Variants in KSR2 observed in about 807,000 individuals in gnomAD.
KSR2 encodes the protein kinase suppressor of ras 2.
Under a neutral mutation model 107.8 loss-of-function variants are expected in KSR2, and 25 were observed. The ratio of observed to expected loss-of-function variants is 0.23; its 90% confidence interval spans 0.17 to 0.32. The LOEUF is 0.32. Ranked by LOEUF, KSR2 falls within the 10% of genes least tolerant of loss-of-function variation. The pLI, the probability that KSR2 is intolerant of heterozygous loss-of-function variation, is 1.00. For missense variants in KSR2, 887 were observed against 1,268.9 expected, an observed-to-expected ratio of 0.70 and a Z score of 4.57; for synonymous variants, 480 against 507.0, an observed-to-expected ratio of 0.95 and a Z score of 0.71.
At chr12:117,885,512 G>T (rs568541178) in intron 1 of KSR2, among the ~76,000 whole-genome samples, 1 of 152,108 alleles carries the variant, frequency 6.6e-6, no homozygotes, top group African/African-American at 2.4e-5. Flanking sequence ...CTGGGGAAAA[G>T]TGTGTGTCTG....
intron 1 of KSR2, among the ~76,000 whole-genome samples, chr12:117,878,169 G>C (rs1893921275): frequency 7.7e-6 from 1 of 129,324 alleles, no homozygotes; most frequent in Non-Finnish European, 1.5e-5. Flanking sequence ...CAAGAATTCA[G>C]GCAAACTTAA....
chr12:117,921,372 T>C (rs1895340229), intron 1 of KSR2, among the ~76,000 whole-genome samples: 1 of 152,194 alleles, frequency 6.6e-6, no homozygotes, highest in South Asian at 2.1e-4. Context: ...AATAAAGCTG[T>C]CTTTGAAGCC....
chr12:117,634,809 C>T (rs547628848), intron 5 of KSR2, among the ~76,000 whole-genome samples: 1 of 152,268 alleles, frequency 6.6e-6, no homozygotes, highest in South Asian at 2.1e-4. Context: ...AATGTTGAGA[C>T]AAATCATATT....
chr12:117,825,321 G>A (rs550241418), intron 3 of KSR2, among the ~76,000 whole-genome samples: 80 of 152,282 alleles, frequency 5.3e-4, no homozygotes, highest in African/African-American at 1.8e-3. Flanking sequence ...TGGTAGGTAC[G>A]CGGATGGATG....
intron 7 of KSR2, among the ~76,000 whole-genome samples, chr12:117,567,229 G>C (rs1031107284): frequency 6.6e-6 from 1 of 152,236 alleles, no homozygotes; most frequent in African/African-American, 2.4e-5. Flanking sequence ...GCTTCCCGGA[G>C]GGAAGTGGTG....
intron 5 of KSR2, among the ~76,000 whole-genome samples, chr12:117,655,799 CA>C (rs1330021040): frequency 1.3e-5 from 2 of 152,128 alleles, no homozygotes; most frequent in Non-Finnish European, 2.9e-5. Flanking sequence ...CCCAGACTAT[CA>C]AGATGAAACC....
At chr12:117,704,497 C>G (rs1312662770) in intron 4 of KSR2, among the ~76,000 whole-genome samples, 1 of 152,104 alleles carries the variant, frequency 6.6e-6, no homozygotes, top group Non-Finnish European at 1.5e-5. Context: ...ACCCATAAAG[C>G]CTAAAATATT....
rs536175384 is a variant in KSR2 at position 117,712,202 on chromosome 12, A to C, written c.987-44544T>G. ...GGTGTGGCCTCATTCCTTATTTTCC[A>C]TCAGCAATAGCCTCATCTCTACTAA... is the stretch of plus-strand genomic sequence containing the variant. On this transcript the variant is annotated intron_variant, in intron 4 of 19. Coordinates refer to ENST00000339824, the MANE Select transcript of KSR2 (RefSeq NM_173598.6). Among the ~76,000 whole-genome samples, 5 of 152,204 alleles carry C rather than the reference A, an allele frequency of 3.3e-5. No homozygotes were observed. The East Asian group carries it at 7.7e-4, about 24-fold the overall frequency.
chr12:117,838,295 G>A (rs1463319798), intron 3 of KSR2, among the ~76,000 whole-genome samples: 2 of 152,186 alleles, frequency 1.3e-5, no homozygotes, highest in African/African-American at 4.8e-5. Context: ...AGCCTCCCAA[G>A]TAGCTGGGAT....
chr12:117,958,101 G>A (rs982194316), intron 1 of KSR2, among the ~76,000 whole-genome samples: 2 of 152,090 alleles, frequency 1.3e-5, no homozygotes, highest in African/African-American at 2.4e-5. Flanking sequence ...CCAAAGTCCT[G>A]GGATTACAGG....
At chr12:117,732,294 C>CTT (rs112890015) in intron 4 of KSR2, among the ~76,000 whole-genome samples, 3 of 145,576 alleles carry the variant, frequency 2.1e-5, no homozygotes, top group Non-Finnish European at 4.6e-5. Flanking sequence ...GAATTTTTTT[C>CTT]TTTTTTTTTT....
intron 5 of KSR2, among the ~76,000 whole-genome samples, chr12:117,630,652 T>C (rs562116909): frequency 6.6e-6 from 1 of 152,054 alleles, no homozygotes; most frequent in Non-Finnish European, 1.5e-5. Context: ...TGGGCGGTGG[T>C]GATGGTTCTG....
chr12:117,914,587 T>C (rs1374777297), intron 1 of KSR2, among the ~76,000 whole-genome samples: 1 of 152,244 alleles, frequency 6.6e-6, no homozygotes, highest in African/African-American at 2.4e-5. Flanking sequence ...TAGGCTAGAA[T>C]GCAGTGCTGT....
At chr12:117,678,900 C>T (rs764969288) in intron 4 of KSR2, among the ~76,000 whole-genome samples, 9 of 152,116 alleles carry the variant, frequency 5.9e-5, no homozygotes, top group Non-Finnish European at 1.2e-4. Flanking sequence ...AGGGATACTG[C>T]CCAAGTGTGA....
chr12:117,965,773 G>C (rs1896768045), intron 1 of KSR2, among the ~76,000 whole-genome samples: 1 of 152,200 alleles, frequency 6.6e-6, no homozygotes, highest in African/African-American at 2.4e-5. Context: ...GCTAATCCCA[G>C]CTAAACTAGA....
chr12:117,825,814 G>A (rs1190804371), intron 3 of KSR2, among the ~76,000 whole-genome samples: 1 of 151,128 alleles, frequency 6.6e-6, no homozygotes, highest in Non-Finnish European at 1.5e-5. Context: ...TGGACAGATG[G>A]AAGAATGGAT....
intron 2 of KSR2, among the ~76,000 whole-genome samples, chr12:117,857,911 GTCT>G (rs1893152994): frequency 6.6e-6 from 1 of 152,158 alleles, no homozygotes; most frequent in Non-Finnish European, 1.5e-5. Flanking sequence ...GAAACCCCAC[GTCT>G]TCTCCCGCCC....
intron 5 of KSR2, among the ~76,000 whole-genome samples, chr12:117,610,290 G>A (rs1881520439): frequency 6.6e-6 from 1 of 152,082 alleles, no homozygotes; most frequent in Non-Finnish European, 1.5e-5. Context: ...AATAATCACG[G>A]ATGCTCGCAA....
At chr12:117,845,695 TC>T (rs5801255) in intron 3 of KSR2, among the ~76,000 whole-genome samples, 9,600 of 151,068 alleles carry the variant, frequency 0.064, 303 homozygotes, top group Non-Finnish European at 0.07. Flanking sequence ...TTTTTTTTTT[TC>T]CTGAGACAGG....
Sources: allele counts gnomAD v4.1 joint callset (sites outside exome capture counted in the v4.1 genomes callset), GRCh38; gene constraint gnomAD v4.1.1; transcripts MANE v1.5; gene names NCBI Gene and HGNC (gene_info 2026-07-23, HGNC 2026-07-21).